The following RNF170 variants were observed in gnomAD, a reference collection of about 807,000 sequenced individuals.
The protein encoded by RNF170 is E3 ubiquitin-protein ligase RNF170.
A neutral mutation model predicts 32.7 loss-of-function variants in RNF170; 12 were observed. The ratio of observed to expected loss-of-function variants is 0.37; its 90% CI spans 0.24 to 0.60. The LOEUF (loss-of-function observed/expected upper bound fraction) is 0.60, where lower values mean the gene tolerates loss of function less well. Among genes scored for constraint, RNF170 ranks in the 20% least tolerant of loss-of-function variants. The pLI is 0.72. For missense variants in RNF170, 212 were observed against 311.2 expected, an observed-to-expected ratio of 0.68 and a Z score of 2.40; for synonymous variants, 91 against 103.6, an observed-to-expected ratio of 0.88 and a Z score of 0.74.
At chr8:42,885,932 T>G (rs893075887) in intron 2 of RNF170, among the ~76,000 whole-genome samples, 15 of 152,038 alleles carry the variant, frequency 9.9e-5, no homozygotes, top group Non-Finnish European at 2.1e-4. Flanking sequence ...AATTTTAAAA[T>G]TTTTGGTAGG....
chr8:42,849,882 C>T (rs543046029), downstream of RNF170: 1 of 152,360 alleles, frequency 6.6e-6, no homozygotes, highest in South Asian at 2.1e-4. Context: ...TTTCTGCCCT[C>T]AGGGAGCTAA....
chr8:42,856,632 T>C lies in RNF170; in HGVS notation c.508-204A>G, dbSNP rs139858709. On this transcript the variant is annotated intron_variant, in intron 6 of 6. Coordinates refer to ENST00000527424, the MANE Select transcript of RNF170 (RefSeq NM_030954.4). ...ACAGAATAGATCTTATTGCAGATAATTGAAAGGCAACTAAAGTGTCAACAA... is the reference window on the plus strand; with the variant it reads ...ACAGAATAGATCTTATTGCAGATAACTGAAAGGCAACTAAAGTGTCAACAA... 6.5e-3 allele frequency among the ~76,000 whole-genome samples: 991 copies of C among 152,318 alleles called. 34 individuals are homozygous for C. The highest frequency in any genetic ancestry group is 0.013 in the East Asian group (65 of 5,192).
downstream of RNF170, chr8:42,850,867 C>T (rs1182907257): frequency 3.5e-5 from 55 of 1,551,630 alleles, no homozygotes; most frequent in Non-Finnish European, 4.7e-5. Context: ...AGGGAGCATT[C>T]GGTCATGGGG....
At chr8:42,887,021 A>G (rs181214975) in intron 2 of RNF170, among the ~76,000 whole-genome samples, 55 of 152,176 alleles carry the variant, frequency 3.6e-4, no homozygotes, top group Admixed American at 3.1e-3. Context: ...GGCCAGGTGC[A>G]GTGGCTCAAG....
chr8:42,871,647 C>T (rs1384887207), intron 3 of RNF170, among the ~76,000 whole-genome samples: 1 of 151,944 alleles, frequency 6.6e-6, no homozygotes, highest in Non-Finnish European at 1.5e-5. Flanking sequence ...TCTCAGCTCA[C>T]TGAAACCTCT....
chr8:42,887,954 T>C, intron 1 of RNF170, 83 bp from the exon 2 acceptor site: 1 of 1,253,436 alleles, frequency 8.0e-7, no homozygotes. Flanking sequence ...TAAATATAAC[T>C]GACTTCTAAT....
chr8:42,891,092 T>A (rs1235421558), intron 1 of RNF170, among the ~76,000 whole-genome samples: 1 of 152,248 alleles, frequency 6.6e-6, no homozygotes, highest in Non-Finnish European at 1.5e-5. Context: ...ACAGTGCTGC[T>A]GATTCTGTCC....
At chr8:42,893,790 C>G (rs1806511272) in intron 1 of RNF170, among the ~76,000 whole-genome samples, 1 of 152,188 alleles carries the variant, frequency 6.6e-6, no homozygotes, top group South Asian at 2.1e-4. Flanking sequence ...ATCTCAAACT[C>G]TCTTTAATCA....
At chr8:42,874,051 T>C in intron 2 of RNF170, 45 bp from the exon 3 acceptor site, 2 of 1,158,538 alleles carry the variant, frequency 1.7e-6, no homozygotes, top group Non-Finnish European at 2.6e-6. Context: ...AATATTATCA[T>C]ATGAATCCAT....
Position 42,853,652 on chromosome 8 carries a change from T to C in RNF170, c.*2507A>G. ...AATTGTTACTTTGATTTATATGATC[T>C]AACTCTGAATCACGGAAGTATTACT... On this transcript the variant is annotated 3_prime_UTR_variant, in exon 7 of 7. Coordinates refer to ENST00000527424, the MANE Select transcript of RNF170 (RefSeq NM_030954.4). 7.8e-7 allele frequency: 1 copy of C among 1,286,312 alleles called. No homozygotes were observed. The highest frequency in any genetic ancestry group is 1.0e-6 in the Non-Finnish European group (1 of 988,092). 79.7% of individuals were successfully genotyped at this position (1,286,312 alleles called of 1,614,324 possible).
downstream of RNF170, among the ~76,000 whole-genome samples, chr8:42,852,956 CTTT>C (rs76276558): frequency 4.3e-5 from 6 of 138,904 alleles, no homozygotes; most frequent in Admixed American, 7.2e-5. Context: ...TATCTACAAA[CTTT>C]TTTTTTTTTT....
intron 2 of RNF170, among the ~76,000 whole-genome samples, chr8:42,884,000 A>G (rs968935074): frequency 4.6e-5 from 7 of 152,194 alleles, no homozygotes; most frequent in Non-Finnish European, 1.0e-4. Flanking sequence ...AGGCTGAGTA[A>G]AAATTTCATC....
chr8:42,856,002 G>A lies in RNF170; in HGVS notation c.*157C>T, dbSNP rs776233736. 2.7e-6 allele frequency: 4 copies of A among 1,504,790 alleles called. No homozygotes were observed. The highest frequency in any genetic ancestry group is 1.2e-5 in the South Asian group (1 of 84,250). The allele number at this position is 1,504,790 out of a possible 1,614,324, so 93.2% of individuals were successfully genotyped here. A position where few individuals can be genotyped will look rare whatever the true frequency, so the allele number is the denominator to read the frequency against. On this transcript the variant is annotated 3_prime_UTR_variant, in exon 7 of 7. Coordinates refer to ENST00000527424, the MANE Select transcript of RNF170 (RefSeq NM_030954.4). ...ACATGAAAATTCCAGTTATACCTAG[G>A]TATTTGTCAAATGATAATCAAATGT...
chr8:42,888,174 C>T (rs1805986583), intron 1 of RNF170, among the ~76,000 whole-genome samples: 2 of 151,856 alleles, frequency 1.3e-5, no homozygotes, highest in Admixed American at 1.3e-4. Flanking sequence ...CAAGCAATTC[C>T]CCTCCCTCAG....
chr8:42,865,127 C>T (rs1163181612), intron 5 of RNF170, among the ~76,000 whole-genome samples: 2 of 151,702 alleles, frequency 1.3e-5, no homozygotes, highest in African/African-American at 2.4e-5. Context: ...CATGGTGGCA[C>T]ATGCCTATAG....
intron 6 of RNF170, among the ~76,000 whole-genome samples, chr8:42,859,985 C>G (rs1042894115): frequency 6.6e-5 from 10 of 152,028 alleles, no homozygotes; most frequent in Non-Finnish European, 1.3e-4. Flanking sequence ...AATAATAGGA[C>G]ACCCCAAAAA....
At chr8:42,894,228 A>C (rs1235756787) in intron 1 of RNF170, among the ~76,000 whole-genome samples, 1 of 152,250 alleles carries the variant, frequency 6.6e-6, no homozygotes, top group Non-Finnish European at 1.5e-5. Context: ...CACTGTGGAT[A>C]TGCAGCCAAG....
At chr8:42,885,880 T>C (rs1805775730) in intron 2 of RNF170, among the ~76,000 whole-genome samples, 1 of 152,066 alleles carries the variant, frequency 6.6e-6, no homozygotes, top group Admixed American at 6.6e-5. Flanking sequence ...CATCTCAGCC[T>C]CCAAGTAGCT....
At chr8:42,852,874 C>T (rs1478198542), downstream of RNF170, among the ~76,000 whole-genome samples, 6 of 152,046 alleles carry the variant, frequency 3.9e-5, no homozygotes, top group South Asian at 1.2e-3. Context: ...TGGTTCACAC[C>T]TGTAATCCCA....
Sources: gnomAD v4.1 joint callset for allele counts (sites outside exome capture counted in the v4.1 genomes callset) on GRCh38, gnomAD v4.1.1 for gene constraint, MANE v1.5 for transcripts, NCBI Gene and HGNC (gene_info 2026-07-23, HGNC 2026-07-21) for gene names.